The following AOPEP variants were observed in gnomAD, a reference collection of about 807,000 sequenced individuals.
AOPEP encodes aminopeptidase O.
In AOPEP, 77 loss-of-function variants were observed where a neutral mutation model predicts 98.1. The observed-to-expected ratio is 0.78, with a 90% CI of 0.65 to 0.95. The LOEUF is 0.95. AOPEP is among the 40% of genes least tolerant of loss of function. AOPEP has a pLI of 0.00. For missense variants in AOPEP, 1,024 were observed against 1,024.7 expected, an observed-to-expected ratio of 1.00 and a Z score of 0.01; for synonymous variants, 346 against 365.3, an observed-to-expected ratio of 0.95 and a Z score of 0.60.
chr9:94,884,957 C>T (rs1206104057), intron 5 of AOPEP, among the ~76,000 whole-genome samples: 3 of 146,804 alleles, frequency 2.0e-5, no homozygotes, highest in South Asian at 2.2e-4. Context: ...TGCAGTGAGC[C>T]GAGATCGCAC....
At chr9:94,819,151 C>G (rs1474698731) in intron 5 of AOPEP, among the ~76,000 whole-genome samples, 1 of 152,258 alleles carries the variant, frequency 6.6e-6, no homozygotes, top group Non-Finnish European at 1.5e-5. Context: ...AGACAAAGCT[C>G]TCTGTCCTTG....
intron 5 of AOPEP, among the ~76,000 whole-genome samples, chr9:94,811,055 G>T (rs1199869325): frequency 6.6e-6 from 1 of 152,132 alleles, no homozygotes; most frequent in Non-Finnish European, 1.5e-5. Flanking sequence ...TTAGCTTCCA[G>T]ATATCTCCAT....
At chr9:94,742,829 C>A (rs1297500546) in intron 1 of AOPEP, among the ~76,000 whole-genome samples, 2 of 151,616 alleles carry the variant, frequency 1.3e-5, no homozygotes, top group Admixed American at 6.6e-5. Flanking sequence ...TTTTCTTTTT[C>A]TTTTTAGTGA....
the AOPEP span, among the ~76,000 whole-genome samples, chr9:95,139,237 G>T: frequency 6.6e-6 from 1 of 152,148 alleles, no homozygotes; most frequent in African/African-American, 2.4e-5. Context: ...GAAACGCACC[G>T]ACGTGGTCTC....
At chr9:95,042,347 A>C (rs994900674) in intron 13 of AOPEP, among the ~76,000 whole-genome samples, 11 of 151,690 alleles carry the variant, frequency 7.3e-5, no homozygotes, top group African/African-American at 2.7e-4. Context: ...TAAATACATA[A>C]ATACATAAAT....
At chr9:95,095,730 C>T in the AOPEP span, among the ~76,000 whole-genome samples, 59 of 152,232 alleles carry the variant, frequency 3.9e-4, no homozygotes, top group African/African-American at 1.3e-3. Flanking sequence ...CGCAGGGATG[C>T]GCTGGAGCCT....
In AOPEP at chr9:94,979,394, C is replaced by G. The variant is rs1395057736; in HGVS notation, c.1944C>G (p.Tyr648Ter). The change falls in exon 11 of 17, where the codon TAC (tyrosine) becomes TAG (stop). Residue 648 changes from tyrosine (Y) to a stop codon, truncating the protein, a stop_gained. Transcript: ENST00000375315. LOFTEE classifies it high-confidence loss of function. ...TTGAGCTGTCTGTTGAAAACATCTA[C>G]CAAGACTGGCTTGAGAGTTCCGGAA... The part of the protein sequence containing the change: ...KRLELSVENI[Y>*]QDWLESSGIP... The G allele has an allele frequency of 1.9e-6, 3 of 1,602,982 alleles. No homozygotes were observed. The highest frequency in any genetic ancestry group is 2.6e-6 in the Non-Finnish European group (3 of 1,172,696).
At chr9:95,069,536 A>T (rs928380869) in intron 14 of AOPEP, among the ~76,000 whole-genome samples, 6 of 150,750 alleles carry the variant, frequency 4.0e-5, no homozygotes, top group African/African-American at 1.5e-4. Flanking sequence ...ATGGGCTCCC[A>T]CGTTGTACTT....
chr9:94,923,996 A>G lies in AOPEP; in HGVS notation c.1375A>G (p.Met459Val). Residue 459 changes from methionine (M) to valine (V), a missense_variant, in exon 6 of 17, where the codon ATG becomes GTG. Around this residue, in one of 3 missense-constraint regions of AOPEP, gnomAD observed 566 missense variants for 551.7 expected, o/e 1.03. Coordinates refer to ENST00000375315, the MANE Select transcript of AOPEP (RefSeq NM_001193329.3). Reference protein sequence around the residue: ...PSLGMASPHIMFLSQSILTGG... With the variant: ...PSLGMASPHIVFLSQSILTGG... The stretch of plus-strand genomic sequence containing the variant: ...CCCCATTATCCACAGCCCACACATC[A>G]TGTTCCTCTCTCAGAGCATCTTGAC... 6.9e-7 allele frequency: 1 copy of G among 1,458,730 alleles called. No homozygotes were observed. Among genetic ancestry groups the G allele is most frequent in the Non-Finnish European group, 9.1e-7 (1 of 1,098,498 alleles). 90.4% of individuals were successfully genotyped at this position (1,458,730 alleles called of 1,614,324 possible). A position where few individuals can be genotyped will look rare whatever the true frequency, so the allele number is the denominator to read the frequency against.
At chr9:95,124,195 C>T in the AOPEP span, among the ~76,000 whole-genome samples, 1 of 150,574 alleles carries the variant, frequency 6.6e-6, no homozygotes, top group Non-Finnish European at 1.5e-5. Context: ...TCTGGTGGAG[C>T]CAAGCATTGT....
intron 7 of AOPEP, among the ~76,000 whole-genome samples, chr9:94,951,143 C>G (rs146645655): frequency 6.6e-6 from 1 of 152,362 alleles, no homozygotes; most frequent in Non-Finnish European, 1.5e-5. Flanking sequence ...AACTTGATCT[C>G]TCACATTCCA....
intron 5 of AOPEP, among the ~76,000 whole-genome samples, chr9:94,859,336 A>G (rs959740678): frequency 2.6e-5 from 4 of 152,190 alleles, no homozygotes; most frequent in Admixed American, 2.6e-4. Context: ...GCCTGAACTA[A>G]GGTCATCTTC....
chr9:95,115,391 T>C, the AOPEP span, among the ~76,000 whole-genome samples: 3 of 152,166 alleles, frequency 2.0e-5, no homozygotes, highest in Admixed American at 6.5e-5. Context: ...GATTTCAAAA[T>C]AGACGGAGAC....
chr9:95,139,212 A>G, the AOPEP span, among the ~76,000 whole-genome samples: 2 of 152,212 alleles, frequency 1.3e-5, no homozygotes, highest in Non-Finnish European at 2.9e-5. Flanking sequence ...CCATCTAATT[A>G]ACAGTAAAGG....
At chr9:95,107,345 T>C in the AOPEP span, 2 of 1,497,744 alleles carry the variant, frequency 1.3e-6, no homozygotes, top group Non-Finnish European at 1.8e-6. Context: ...ATTTATTTGC[T>C]TTGAAACAAC....
chr9:94,778,785 T>C (rs1202703597), intron 3 of AOPEP, among the ~76,000 whole-genome samples: 1 of 152,116 alleles, frequency 6.6e-6, no homozygotes, highest in Non-Finnish European at 1.5e-5. Context: ...CCCAACACTT[T>C]GAGAGGCCAA....
chr9:95,083,185 G>C (rs1377871756), intron 16 of AOPEP: 1 of 181,764 alleles, frequency 5.5e-6, no homozygotes, highest in Non-Finnish European at 1.2e-5. Flanking sequence ...AGCCATGTGT[G>C]AATTGGAGGT....
the AOPEP span, among the ~76,000 whole-genome samples, chr9:95,112,367 T>C: frequency 6.6e-6 from 1 of 152,158 alleles, no homozygotes; most frequent in African/African-American, 2.4e-5. Flanking sequence ...CCTGGCCCCT[T>C]TGTTGGATCT....
chr9:94,849,801 G>A (rs2043316542), intron 5 of AOPEP, among the ~76,000 whole-genome samples: 1 of 152,142 alleles, frequency 6.6e-6, no homozygotes, highest in Non-Finnish European at 1.5e-5. Flanking sequence ...TTGGGAGGCT[G>A]AGGTGGGTGG....
Sources: gnomAD v4.1 joint callset for allele counts (sites outside exome capture counted in the v4.1 genomes callset) on GRCh38, gnomAD v4.1.1 for gene constraint, gnomAD v4.1.1 regional missense constraint, MANE v1.5 for transcripts, NCBI Gene and HGNC (gene_info 2026-07-23, HGNC 2026-07-21) for gene names.